PIK3R2: variants seen among roughly 807,000 people sequenced by gnomAD.
PIK3R2 encodes phosphatidylinositol 3-kinase regulatory subunit beta.
Under a neutral mutation model 78.5 loss-of-function variants are expected in PIK3R2, and 40 were observed. The ratio of observed to expected loss-of-function variants is 0.51; its 90% CI spans 0.40 to 0.66. The LOEUF is 0.66. PIK3R2 is among the 30% of genes least tolerant of loss of function. The pLI is 0.00. For missense variants in PIK3R2, 880 were observed against 1,026.6 expected, an observed-to-expected ratio of 0.86 and a Z score of 1.95; for synonymous variants, 473 against 457.7, an observed-to-expected ratio of 1.03 and a Z score of -0.43.
In PIK3R2 at chr19:18,160,453, C is replaced by A; in HGVS notation, c.323-18C>A. 1.3e-6 allele frequency: 2 copies of A among 1,495,794 alleles called. No homozygotes were observed. Among genetic ancestry groups the A allele is most frequent in the Non-Finnish European group, 1.9e-6 (2 of 1,071,810 alleles). 92.7% of individuals were successfully genotyped at this position (1,495,794 alleles called of 1,614,324 possible). A position where few individuals can be genotyped will look rare whatever the true frequency, so the allele number is the denominator to read the frequency against. On this transcript the variant is annotated intron_variant, in intron 2 of 15. Transcript: ENST00000222254. Reference sequence around the variant, plus strand: ...CAGGAACCCCACCAACATGCAACCCCCCTGTTTCCCCCACCAGGCCTCACA... The same window carrying A: ...CAGGAACCCCACCAACATGCAACCCACCTGTTTCCCCCACCAGGCCTCACA...
In PIK3R2 at chr19:18,168,740, T is replaced by C. The variant is rs145722332; in HGVS notation, c.1823T>C (p.Met608Thr). 4.8e-6 allele frequency: 7 copies of C among 1,450,098 alleles called. No homozygotes were observed. In the Admixed American group the frequency reaches 5.2e-5, roughly 11 times the overall value. The allele number at this position is 1,450,098 out of a possible 1,614,324, so 89.8% of individuals were successfully genotyped here. ...KNETEDQYAL[M>T]EDEDDLPHHE... ...CCCCACCCCAGCCAGTACGCACTCA[T>C]GGAGGACGAGGACGATCTCCCGCAC... Residue 608 changes from methionine (M) to threonine (T), a missense_variant, in exon 15 of 16, where the codon ATG becomes ACG. Around this residue, in one of 3 missense-constraint regions of PIK3R2, gnomAD observed 268 missense variants for 299.1 expected, o/e 0.90. Coordinates refer to ENST00000222254, the MANE Select transcript of PIK3R2 (RefSeq NM_005027.4). The surrounding 1 kb of genome is among the most constrained non-coding windows in gnomAD (Gnocchi z 4.1).
chr19:18,161,148 C>A lies in PIK3R2; in HGVS notation c.561C>A (p.Thr187=). The A allele has an allele frequency of 6.4e-7, 1 of 1,552,544 alleles. No individual in the cohort carries two copies. The highest frequency in any genetic ancestry group is 8.7e-7 in the Non-Finnish European group (1 of 1,148,770). ...TGGCACTGCCCGCGCCGCTCGTGAC[C>A]CCCGAGGCCTCGGCCGAGGCGCGCC... ...FLLALPAPLV[T]PEASAEARRA... is the part of the protein sequence containing the mutation. Residue 187 remains threonine, a synonymous_variant, in exon 5 of 16, where the codon ACC becomes ACA. Coordinates refer to ENST00000222254, the MANE Select transcript of PIK3R2 (RefSeq NM_005027.4). The surrounding 1 kb of genome is among the most constrained non-coding windows in gnomAD (Gnocchi z 5.3).
chr19:18,160,178 G>A (rs760718781), intron 2 of PIK3R2, among the ~76,000 whole-genome samples: 1 of 152,232 alleles, frequency 6.6e-6, no homozygotes, highest in Non-Finnish European at 1.5e-5. Flanking sequence ...CAGGGATGAG[G>A]ACTTGGACAT....
In PIK3R2 at chr19:18,169,486, C is replaced by CT; in HGVS notation, c.*196dup. ...CATTCTCCAGATCTCCCTCTGTCTC[C>CT]TTTTCTCTGTCTTTCTTGGCCCCTG... On this transcript the variant is annotated 3_prime_UTR_variant, in exon 16 of 16. Transcript: ENST00000222254. The CT allele has an allele frequency of 2.8e-6, 1 of 354,190 alleles. No homozygotes were observed. The highest frequency in any genetic ancestry group is 5.1e-6 in the Non-Finnish European group (1 of 196,608). The allele number at this position is 354,190 out of a possible 1,614,324, so 21.9% of individuals were successfully genotyped here.
chr19:18,160,745 A>G (rs2043733069), intron 3 of PIK3R2, 174 bp from the exon 4 acceptor site: 1 of 903,346 alleles, frequency 1.1e-6, no homozygotes, highest in Non-Finnish European at 1.8e-6. Flanking sequence ...GAAGGTGAAC[A>G]TGACCAGGCC....
Position 18,169,072 on chromosome 19 carries a change from C to T in PIK3R2, c.1980-15C>T, listed in dbSNP as rs532172345. On this transcript the variant is annotated splice_polypyrimidine_tract_variant and intron_variant, in intron 15 of 15. Coordinates refer to ENST00000222254, the MANE Select transcript of PIK3R2 (RefSeq NM_005027.4). ...AGGCCAGCCTTCCGACTCCCCCTCT[C>T]GTCTGCCCCCACAGAGTGGACGGCG... The T allele has an allele frequency of 5.0e-6, 8 of 1,606,156 alleles. No individual in the cohort carries two copies. Among genetic ancestry groups the T allele is most frequent in the South Asian group, 2.2e-5 (2 of 90,936 alleles).
intron 12 of PIK3R2, 32 bp downstream of exon 12, chr19:18,166,334 C>CCAGGAAAAAAAAAAA: frequency 6.3e-7 from 1 of 1,585,632 alleles, no homozygotes; most frequent in Non-Finnish European, 8.7e-7. Flanking sequence ...TGCCCCACCC[C>CCAGGAAAAAAAAAAA]ACCCTGATCT....
In PIK3R2 at chr19:18,162,199, C is replaced by T; in HGVS notation, c.902-3C>T. On this transcript the variant is annotated splice_polypyrimidine_tract_variant and splice_region_variant and intron_variant, in intron 7 of 15. Transcript: ENST00000222254. ...AGGATGCATTTGTTTTCCTGTCCCC[C>T]AGCGCTGCCGCCTAAACCCCCCAAG... 3 of 1,532,500 alleles carry T rather than the reference C, an allele frequency of 2.0e-6. No homozygotes were observed. Among genetic ancestry groups the T allele is most frequent in the Non-Finnish European group, 2.7e-6 (3 of 1,108,596 alleles). 94.9% of individuals were successfully genotyped at this position (1,532,500 alleles called of 1,614,324 possible).
At chr19:18,162,368 C>G in intron 8 of PIK3R2, 40 bp from the exon 9 acceptor site, 1 of 1,602,668 alleles carries the variant, frequency 6.2e-7, no homozygotes. Flanking sequence ...AGCGGGGTCT[C>G]CAGGTGGCTC....
intron 2 of PIK3R2, among the ~76,000 whole-genome samples, chr19:18,158,620 A>G (rs2043706021): frequency 6.6e-6 from 1 of 152,100 alleles, no homozygotes; most frequent in South Asian, 2.1e-4. Flanking sequence ...TGACAAAGCA[A>G]GAACCTGTCT....
At chr19:18,163,216 A>T (rs1005493554) in intron 10 of PIK3R2, 47 bp from the exon 11 acceptor site, 1 of 1,613,924 alleles carries the variant, frequency 6.2e-7, no homozygotes, top group African/African-American at 1.3e-5. Flanking sequence ...TCCTAGGTAG[A>T]CCCGACCAGG....
At chr19:18,158,255 A>G (rs1408010272) in intron 2 of PIK3R2, among the ~76,000 whole-genome samples, 1 of 152,114 alleles carries the variant, frequency 6.6e-6, no homozygotes, top group Non-Finnish European at 1.5e-5. Context: ...TTGGGAGGCC[A>G]AGGCGGGTGG....
Position 18,155,875 on chromosome 19 carries a change from C to T in PIK3R2, c.-5C>T, listed in dbSNP as rs760900069. Reference sequence around the variant, plus strand: ...CCATCCAGACCCCACCCCACTCACGCGGCCATGGCGGGCCCTGAGGGCTTC... The same window carrying T: ...CCATCCAGACCCCACCCCACTCACGTGGCCATGGCGGGCCCTGAGGGCTTC... On this transcript the variant is annotated 5_prime_UTR_variant, in exon 2 of 16. Transcript: ENST00000222254. 29 of 1,537,846 alleles carry T rather than the reference C, an allele frequency of 1.9e-5. No homozygotes were observed. Among genetic ancestry groups the T allele is most frequent in the Middle Eastern group, 1.7e-4 (1 of 5,950 alleles).
Position 18,162,525 on chromosome 19 carries a change from A to G in PIK3R2, c.1109+19A>G, listed in dbSNP as rs766827910. On this transcript the variant is annotated intron_variant, in intron 9 of 15. Coordinates refer to ENST00000222254, the MANE Select transcript of PIK3R2 (RefSeq NM_005027.4). ...CCCTCAGGTGGGGGCCTGTCCCTGC[A>G]AGGATAACCGGGGGTCACAGGTCAC... 9.0e-5 allele frequency: 145 copies of G among 1,602,892 alleles called. No individual in the cohort carries two copies. Among genetic ancestry groups the G allele is most frequent in the Non-Finnish European group, 1.2e-4 (143 of 1,171,268 alleles).
chr19:18,169,063 T>TC (rs746304981), intron 15 of PIK3R2, 24 bp from the exon 16 acceptor site: 1 of 1,598,394 alleles, frequency 6.3e-7, no homozygotes, highest in Admixed American at 1.7e-5. Flanking sequence ...GCCTTCCGAC[T>TC]CCCCCTCTCG....
rs112411913 is a variant in PIK3R2, at chr19:18,167,318, C to T, written c.1736+12C>T. The T allele has an allele frequency of 1.4e-3, 2,171 of 1,557,014 alleles. 31 individuals are homozygous for T. In the African/African-American group the frequency reaches 0.025, roughly 18 times the overall value. ...GACCAGTACCTCGTGTAAGTGGCGGCTCCATACTTCCCTGCGGCTCCCTGG... is the reference window on the plus strand; with the variant it reads ...GACCAGTACCTCGTGTAAGTGGCGGTTCCATACTTCCCTGCGGCTCCCTGG... On this transcript the variant is annotated intron_variant, in intron 13 of 15. Coordinates refer to ENST00000222254, the MANE Select transcript of PIK3R2 (RefSeq NM_005027.4). The surrounding 1 kb of genome is among the most constrained non-coding windows in gnomAD (Gnocchi z 4.5).
chr19:18,159,144 C>CTTTTTT lies in PIK3R2; in HGVS notation c.323-1313_323-1308dup, dbSNP rs57543686. Among the ~76,000 whole-genome samples, 88 of 50,054 alleles carry CTTTTTT rather than the reference C, an allele frequency of 1.8e-3. 3 individuals carry two copies. Among genetic ancestry groups the CTTTTTT allele is most frequent in the African/African-American group, 3.6e-3 (45 of 12,600 alleles). The allele number at this position is 50,054 out of a possible 152,430, so 32.8% of individuals were successfully genotyped here. A position where few individuals can be genotyped will look rare whatever the true frequency, so the allele number is the denominator to read the frequency against. On this transcript the variant is annotated intron_variant, in intron 2 of 15. Transcript: ENST00000222254. ...GGAGTGAGCCACTGCGCCTGGCCTC[C>CTTTTTT]TTTTTTTTTTTTTTTTTTTAAATTA...
In PIK3R2 at chr19:18,167,226, C is replaced by A. The variant is rs758173759; in HGVS notation, c.1656C>A (p.Asp552Glu). The A allele has an allele frequency of 2.5e-6, 4 of 1,612,178 alleles. No individual in the cohort carries two copies. Among genetic ancestry groups the A allele is most frequent in the Admixed American group, 3.3e-5 (2 of 59,780 alleles). ...LEQQLRAQAS[D>E]NREIDKRMNS... ...AGCAGCTGCGGGCCCAGGCCTCGGA[C>A]AACAGAGAGATCGACAAGCGCATGA... Residue 552 changes from aspartate (D) to glutamate (E), a missense_variant, in exon 13 of 16, where the codon GAC (aspartate) becomes GAA (glutamate). By Grantham distance (45) the Asp-to-Glu change is conservative. Around this residue, in one of 3 missense-constraint regions of PIK3R2, gnomAD observed 268 missense variants for 299.1 expected, o/e 0.90. Transcript: ENST00000222254. This position sits in a 1 kb window ranked among gnomAD's most constrained non-coding sequence, Gnocchi z 4.5.
intron 12 of PIK3R2, among the ~76,000 whole-genome samples, chr19:18,166,707 CAAA>C (rs34888009): frequency 1.3e-4 from 11 of 81,670 alleles, no homozygotes; most frequent in Admixed American, 2.6e-4. Flanking sequence ...AAGACTGTCT[CAAA>C]AAAAAAAAAA....
Sources: allele counts gnomAD v4.1 joint callset (sites outside exome capture counted in the v4.1 genomes callset), GRCh38; gene constraint gnomAD v4.1.1; regional missense constraint gnomAD v4.1.1; non-coding constraint Gnocchi (gnomAD v3.1); transcripts MANE v1.5; gene names NCBI Gene and HGNC (gene_info 2026-07-23, HGNC 2026-07-21).